The following H2AC21 variants were observed in gnomAD, a reference collection of about 807,000 sequenced individuals.
H2AC21 encodes histone H2A type 2-B.
In H2AC21, 3 loss-of-function variants were observed where a neutral mutation model predicts 7.7. The ratio of observed to expected loss-of-function variants is 0.39; its 90% CI spans 0.18 to 1.01. The LOEUF is 1.01. Among genes scored for constraint, H2AC21 ranks in the 50% least tolerant of loss-of-function variants. The pLI, the probability that H2AC21 is intolerant of heterozygous loss-of-function variation, is 0.36. For synonymous variants in H2AC21, 119 were observed against 84.2 expected (o/e 1.41, Z -2.26); for missense variants, 173 against 177.9 (o/e 0.97, Z 0.16).
chr1:149,887,535 T>A lies in H2AC21; in HGVS notation c.382A>T (p.Lys128Ter). ...PKKTESHKPG[K>*]NK ...GTCAAGCCTCTTAATTACTTGTTCTTGCCAGGCTTGTGACTCTCCGTTTTC... is the reference window on the plus strand; with the variant it reads ...GTCAAGCCTCTTAATTACTTGTTCTAGCCAGGCTTGTGACTCTCCGTTTTC... Residue 128 changes from lysine (K) to a stop codon, truncating the protein, a stop_gained, in exon 1 of 1, where the codon AAG becomes TAG. Transcript: ENST00000331128. LOFTEE classifies it high-confidence loss of function. The A allele has an allele frequency of 6.2e-7, 1 of 1,611,578 alleles. No homozygotes were observed. The highest frequency in any genetic ancestry group is 1.7e-5 in the Admixed American group (1 of 59,814).
In H2AC21 at chr1:149,887,790, G is replaced by T; in HGVS notation, c.127C>A (p.Arg43=). The part of the protein sequence containing the change: ...RLLRKGNYAE[R]VGAGAPVYLA... The stretch of plus-strand genomic sequence containing the variant: ...TACACCGGGGCGCCTGCCCCGACCC[G>T]CTCCGCGTAGTTGCCTTTGCGCAGC... Residue 43 remains arginine (R), a synonymous_variant, in exon 1 of 1, where the codon CGG becomes AGG. Coordinates refer to ENST00000331128, the MANE Select transcript of H2AC21 (RefSeq NM_175065.3). The T allele has an allele frequency of 6.2e-7, 1 of 1,614,032 alleles. No homozygotes were observed. The highest frequency in any genetic ancestry group is 8.5e-7 in the Non-Finnish European group (1 of 1,179,948).
rs587741991 is a variant in H2AC21, at chr1:149,887,773, G to A, written c.144C>T (p.Ala48=). Reference sequence around the variant, plus strand: ...CGAGGACCGCCGCCAGGTACACCGGGGCGCCTGCCCCGACCCGCTCCGCGT... The same window carrying A: ...CGAGGACCGCCGCCAGGTACACCGGAGCGCCTGCCCCGACCCGCTCCGCGT... ...GNYAERVGAG[A]PVYLAAVLEY... is the part of the protein sequence containing the mutation. Residue 48 remains alanine, a synonymous_variant, in exon 1 of 1, where the codon GCC becomes GCT. Transcript: ENST00000331128. 1.9e-6 allele frequency: 3 copies of A among 1,614,142 alleles called. No individual in the cohort carries two copies. Among genetic ancestry groups the A allele is most frequent in the Admixed American group, 3.3e-5 (2 of 60,014 alleles).
chr1:149,887,881 G>A lies in H2AC21; in HGVS notation c.36C>T (p.Arg12=), dbSNP rs2092318682. ...SGRGKQGGKA[R]AKAKSRSSRA... is the part of the protein sequence containing the mutation. ...GGGACGAGCGCGACTTGGCCTTAGC[G>A]CGGGCCTTGCCTCCCTGCTTTCCGC... Residue 12 remains arginine (R), a synonymous_variant, in exon 1 of 1, where the codon CGC becomes CGT. Coordinates refer to ENST00000331128, the MANE Select transcript of H2AC21 (RefSeq NM_175065.3). The A allele has an allele frequency of 1.9e-6, 3 of 1,613,612 alleles. No homozygotes were observed. Among genetic ancestry groups the A allele is most frequent in the Non-Finnish European group, 2.5e-6 (3 of 1,179,726 alleles).
rs782543953 is a variant in H2AC21 at position 149,887,632 on chromosome 1, G to A, written c.285C>T (p.Asn95=). 6.2e-7 allele frequency: 1 copy of A among 1,614,190 alleles called. No homozygotes were observed. The highest frequency in any genetic ancestry group is 8.5e-7 in the Non-Finnish European group (1 of 1,180,022). The change falls in exon 1 of 1, where the codon AAC becomes AAT. Residue 95 remains asparagine, a synonymous_variant. Transcript: ENST00000331128. Reference sequence around the variant, plus strand: ...CAATGGTGACACCCCCGAGTAACTTGTTGAGCTCTTCGTCATTCCTCACGG... The same window carrying A: ...CAATGGTGACACCCCCGAGTAACTTATTGAGCTCTTCGTCATTCCTCACGG... ...QLAVRNDEEL[N]KLLGGVTIAQ...
In H2AC21 at chr1:149,887,695, G is replaced by C. The variant is rs2092316132; in HGVS notation, c.222C>G (p.Asn74Lys). The change falls in exon 1 of 1, where the codon AAC (asparagine) becomes AAG (lysine). Residue 74 changes from asparagine (N) to lysine (K), a missense_variant. Transcript: ENST00000331128. Reference sequence around the variant, plus strand: ...GGCGAGGGATGATGCGCGTCTTCTTGTTGTCCCGAGCCGCGTTGCCCGCCA... The same window carrying C: ...GGCGAGGGATGATGCGCGTCTTCTTCTTGTCCCGAGCCGCGTTGCCCGCCA... ...LELAGNAARD[N>K]KKTRIIPRHL... 3.7e-6 allele frequency: 6 copies of C among 1,614,066 alleles called. No individual in the cohort carries two copies. Among genetic ancestry groups the C allele is most frequent in the East Asian group, 2.2e-5 (1 of 44,862 alleles).
rs782134041 is a variant in H2AC21, at chr1:149,887,577, C to T, written c.340G>A (p.Ala114Thr). 1.2e-6 allele frequency: 2 copies of T among 1,613,964 alleles called. No individual in the cohort carries two copies. Among genetic ancestry groups the T allele is most frequent in the African/African-American group, 2.7e-5 (2 of 74,902 alleles). Residue 114 changes from alanine (A) to threonine (T), a missense_variant, in exon 1 of 1, where the codon GCT becomes ACT. Physicochemically the swap from Ala to Thr is moderately conservative, Grantham distance 58. Coordinates refer to ENST00000331128, the MANE Select transcript of H2AC21 (RefSeq NM_175065.3). ...AQGGVLPNIQ[A>T]VLLPKKTESH... The stretch of plus-strand genomic sequence containing the variant: ...TCCGTTTTCTTGGGCAACAGGACAG[C>T]CTGGATATTGGGCAAGACGCCGCCC...
In H2AC21 at chr1:149,887,761, C is replaced by T. The variant is rs782227220; in HGVS notation, c.156G>A (p.Leu52=). Residue 52 remains leucine, a synonymous_variant, in exon 1 of 1, where the codon CTG becomes CTA. Coordinates refer to ENST00000331128, the MANE Select transcript of H2AC21 (RefSeq NM_175065.3). ...CGGTCAGGTACTCGAGGACCGCCGC[C>T]AGGTACACCGGGGCGCCTGCCCCGA... The part of the protein sequence containing the change: ...ERVGAGAPVY[L]AAVLEYLTAE... 6.2e-7 allele frequency: 1 copy of T among 1,614,198 alleles called. No individual in the cohort carries two copies. Among genetic ancestry groups the T allele is most frequent in the African/African-American group, 1.3e-5 (1 of 75,062 alleles).
In H2AC21 at chr1:149,887,810, C is replaced by T. The variant is rs1553760158; in HGVS notation, c.107G>A (p.Arg36His). 1.2e-6 allele frequency: 2 copies of T among 1,613,978 alleles called. No homozygotes were observed. Among genetic ancestry groups the T allele is most frequent in the Admixed American group, 1.7e-5 (1 of 60,006 alleles). Residue 36 changes from arginine to histidine, a missense_variant, in exon 1 of 1, where the codon CGC becomes CAC. By Grantham distance (29) the Arg-to-His change is conservative. Coordinates refer to ENST00000331128, the MANE Select transcript of H2AC21 (RefSeq NM_175065.3). ...GACCCGCTCCGCGTAGTTGCCTTTG[C>T]GCAGCAAGCGGTGCACTCGCCCCAC... ...FPVGRVHRLL[R>H]KGNYAERVGA...
rs1239459552 is a variant in H2AC21 at position 149,887,935 on chromosome 1, T to A, written c.-19A>T. On this transcript the variant is annotated 5_prime_UTR_variant, in exon 1 of 1. Transcript: ENST00000331128. The stretch of plus-strand genomic sequence containing the variant: ...CTGACATTACGGCTAAAATTGCAGT[T>A]ACAGCTTCTTTTACAAGGAGAAGAA... The A allele has an allele frequency of 6.9e-6, 11 of 1,598,206 alleles. No homozygotes were observed. Among genetic ancestry groups the A allele is most frequent in the Non-Finnish European group, 8.5e-6 (10 of 1,172,938 alleles).
Position 149,887,472 on chromosome 1 carries a change from T to C in H2AC21, c.*52A>G. The C allele has an allele frequency of 6.4e-7, 1 of 1,565,070 alleles. No homozygotes were observed. Among genetic ancestry groups the C allele is most frequent in the African/African-American group, 1.4e-5 (1 of 72,938 alleles). ...ATCAGCCCTTCATTTGACACTTTGGTGGCTCTTAAAAGAGCCTTTGGGGTG... is the reference window on the plus strand; with the variant it reads ...ATCAGCCCTTCATTTGACACTTTGGCGGCTCTTAAAAGAGCCTTTGGGGTG... On this transcript the variant is annotated 3_prime_UTR_variant, in exon 1 of 1. Coordinates refer to ENST00000331128, the MANE Select transcript of H2AC21 (RefSeq NM_175065.3).
Position 149,887,840 on chromosome 1 carries a change from A to G in H2AC21, c.77T>C (p.Phe26Ser). Residue 26 changes from phenylalanine (F) to serine (S), a missense_variant, in exon 1 of 1, where the codon TTC becomes TCC. By Grantham distance (155) the Phe-to-Ser change is radical. Transcript: ENST00000331128. The stretch of plus-strand genomic sequence containing the variant: ...CAAGCGGTGCACTCGCCCCACCGGG[A>G]ACTGGAGACCAGCGCGGGACGAGCG... ...KSRSSRAGLQ[F>S]PVGRVHRLLR... The G allele has an allele frequency of 1.2e-6, 2 of 1,614,006 alleles. No individual in the cohort carries two copies. Among genetic ancestry groups the G allele is most frequent in the Non-Finnish European group, 1.7e-6 (2 of 1,179,934 alleles).
chr1:149,887,829 G>A lies in H2AC21; in HGVS notation c.88C>T (p.Arg30Ter). ...SRAGLQFPVG[R>*]VHRLLRKGNY... Reference sequence around the variant, plus strand: ...CCTTTGCGCAGCAAGCGGTGCACTCGCCCCACCGGGAACTGGAGACCAGCG... The same window carrying A: ...CCTTTGCGCAGCAAGCGGTGCACTCACCCCACCGGGAACTGGAGACCAGCG... Residue 30 changes from arginine (R) to a stop codon, truncating the protein, a stop_gained, in exon 1 of 1, where the codon CGA becomes TGA. Coordinates refer to ENST00000331128, the MANE Select transcript of H2AC21 (RefSeq NM_175065.3). LOFTEE classifies it high-confidence loss of function. 1 of 1,613,938 alleles carries A rather than the reference G, an allele frequency of 6.2e-7. No homozygotes were observed. The highest frequency in any genetic ancestry group is 8.5e-7 in the Non-Finnish European group (1 of 1,179,928).
rs782459770 is a variant in H2AC21, at chr1:149,887,488, C to T, written c.*36G>A. The T allele has an allele frequency of 1.3e-6, 2 of 1,584,652 alleles. No individual in the cohort carries two copies. The highest frequency in any genetic ancestry group is 1.7e-6 in the Non-Finnish European group (2 of 1,165,856). ...ACACTTTGGTGGCTCTTAAAAGAGCCTTTGGGGTGAATGAGTATGGTGTCA... is the reference window on the plus strand; with the variant it reads ...ACACTTTGGTGGCTCTTAAAAGAGCTTTTGGGGTGAATGAGTATGGTGTCA... On this transcript the variant is annotated 3_prime_UTR_variant, in exon 1 of 1. Transcript: ENST00000331128.
rs1559775737 is a variant in H2AC21 at position 149,887,520 on chromosome 1, TTAATTACTTGTTC to T, written c.384_*3del. The T allele has an allele frequency of 1.9e-5, 31 of 1,608,684 alleles. No homozygotes were observed. Among genetic ancestry groups the T allele is most frequent in the Non-Finnish European group, 2.6e-5 (31 of 1,176,836 alleles). ...GTGAATGAGTATGGTGTCAAGCCTC[TTAATTACTTGTTC>T]TTGCCAGGCTTGTGACTCTCCGTTT... On this transcript the variant is annotated stop_retained_variant and 3_prime_UTR_variant, in exon 1 of 1. Coordinates refer to ENST00000331128, the MANE Select transcript of H2AC21 (RefSeq NM_175065.3).
In H2AC21 at chr1:149,887,587, G is replaced by A. The variant is rs375616398; in HGVS notation, c.330C>T (p.Pro110=). 1 of 1,614,002 alleles carries A rather than the reference G, an allele frequency of 6.2e-7. No homozygotes were observed. Residue 110 remains proline, a synonymous_variant, in exon 1 of 1, where the codon CCC becomes CCT. Coordinates refer to ENST00000331128, the MANE Select transcript of H2AC21 (RefSeq NM_175065.3). ...TGGGCAACAGGACAGCCTGGATATT[G>A]GGCAAGACGCCGCCCTGGGCAATGG... ...GVTIAQGGVL[P]NIQAVLLPKK...
Position 149,887,722 on chromosome 1 carries a change from C to G in H2AC21, c.195G>C (p.Glu65Asp). 3 of 1,614,226 alleles carry G rather than the reference C, an allele frequency of 1.9e-6. No homozygotes were observed. Among genetic ancestry groups the G allele is most frequent in the African/African-American group, 1.3e-5 (1 of 75,056 alleles). Residue 65 changes from glutamate to aspartate, a missense_variant, in exon 1 of 1, where the codon GAG becomes GAC. By Grantham distance (45) the Glu-to-Asp change is conservative (BLOSUM62 2). Coordinates refer to ENST00000331128, the MANE Select transcript of H2AC21 (RefSeq NM_175065.3). ...TGTCCCGAGCCGCGTTGCCCGCCAG[C>G]TCCAGAATTTCCGCGGTCAGGTACT... Reference protein sequence around the residue: ...VLEYLTAEILELAGNAARDNK... With the variant: ...VLEYLTAEILDLAGNAARDNK...
Position 149,887,716 on chromosome 1 carries a change from C to T in H2AC21, c.201G>A (p.Ala67=). Reference sequence around the variant, plus strand: ...TCTTGTTGTCCCGAGCCGCGTTGCCCGCCAGCTCCAGAATTTCCGCGGTCA... The same window carrying T: ...TCTTGTTGTCCCGAGCCGCGTTGCCTGCCAGCTCCAGAATTTCCGCGGTCA... ...EYLTAEILEL[A]GNAARDNKKT... The change falls in exon 1 of 1, where the codon GCG becomes GCA. Residue 67 remains alanine, a synonymous_variant. Coordinates refer to ENST00000331128, the MANE Select transcript of H2AC21 (RefSeq NM_175065.3). The T allele has an allele frequency of 2.5e-6, 4 of 1,614,204 alleles. No individual in the cohort carries two copies. The highest frequency in any genetic ancestry group is 1.3e-5 in the African/African-American group (1 of 75,054).
Position 149,887,707 on chromosome 1 carries a change from C to T in H2AC21, c.210G>A (p.Ala70=), listed in dbSNP as rs782793004. 1.9e-6 allele frequency: 3 copies of T among 1,614,162 alleles called. No homozygotes were observed. Among genetic ancestry groups the T allele is most frequent in the Non-Finnish European group, 2.5e-6 (3 of 1,180,036 alleles). The change falls in exon 1 of 1, where the codon GCG becomes GCA. Residue 70 remains alanine, a synonymous_variant. Coordinates refer to ENST00000331128, the MANE Select transcript of H2AC21 (RefSeq NM_175065.3). The stretch of plus-strand genomic sequence containing the variant: ...TGCGCGTCTTCTTGTTGTCCCGAGC[C>T]GCGTTGCCCGCCAGCTCCAGAATTT... ...TAEILELAGN[A]ARDNKKTRII...
rs370650141 is a variant in H2AC21 at position 149,887,657 on chromosome 1, G to A, written c.260C>T (p.Ala87Val). The change falls in exon 1 of 1, where the codon GCC becomes GTC. Residue 87 changes from alanine to valine, a missense_variant. Ala to Val is a moderately conservative substitution (Grantham distance 64, BLOSUM62 0). Coordinates refer to ENST00000331128, the MANE Select transcript of H2AC21 (RefSeq NM_175065.3). ...GTTGAGCTCTTCGTCATTCCTCACGGCTAGTTGCAGATGGCGAGGGATGAT... is the reference window on the plus strand; with the variant it reads ...GTTGAGCTCTTCGTCATTCCTCACGACTAGTTGCAGATGGCGAGGGATGAT... ...TRIIPRHLQL[A>V]VRNDEELNKL... 5 of 1,614,196 alleles carry A rather than the reference G, an allele frequency of 3.1e-6. No homozygotes were observed. Among genetic ancestry groups the A allele is most frequent in the Middle Eastern group, 1.6e-4 (1 of 6,062 alleles).
Sources: allele counts gnomAD v4.1 joint callset, GRCh38; gene constraint gnomAD v4.1.1; transcripts MANE v1.5; gene names NCBI Gene and HGNC (gene_info 2026-07-23, HGNC 2026-07-21).